The following EIF4G3 variants were observed in gnomAD, a reference collection of about 807,000 sequenced individuals.
EIF4G3 encodes eIF-4-gamma 3.
In EIF4G3, 34 loss-of-function variants were observed where a neutral mutation model predicts 186.4. The observed-to-expected ratio is 0.18, with a 90% CI of 0.14 to 0.24. The LOEUF is 0.24. EIF4G3 is among the 10% of genes least tolerant of loss of function. The pLI, the probability that EIF4G3 is intolerant of heterozygous loss-of-function variation, is 1.00. For missense variants in EIF4G3, 1,536 were observed against 1,948.5 expected, an observed-to-expected ratio of 0.79 and a Z score of 3.99; for synonymous variants, 673 against 679.5, an observed-to-expected ratio of 0.99 and a Z score of 0.15.
chr1:21,011,319 T>C (rs1432072467), intron 4 of EIF4G3, among the ~76,000 whole-genome samples: 1 of 152,174 alleles, frequency 6.6e-6, no homozygotes, highest in Non-Finnish European at 1.5e-5. Context: ...AGAATGTCAC[T>C]TCTGTAACAG....
rs575360255 is a variant in EIF4G3, at chr1:21,118,351, C to A, written c.-271-29138G>T. ...ACTGAACCAACTAAAATGCAATTAA[C>A]GAAAGAAACTGTCATAGTTTAATTA... On this transcript the variant is annotated intron_variant, in intron 2 of 36. Transcript: ENST00000602326. Among the ~76,000 whole-genome samples the A allele has an allele frequency of 1.6e-4, 24 of 152,196 alleles. No individual in the cohort carries two copies. The South Asian group carries it at 5.0e-3, about 32-fold the overall frequency.
At chr1:21,041,339 C>G (rs2093570309) in intron 4 of EIF4G3, among the ~76,000 whole-genome samples, 1 of 152,194 alleles carries the variant, frequency 6.6e-6, no homozygotes, top group Non-Finnish European at 1.5e-5. Context: ...CCTTCCACCT[C>G]AGGCTCCCAA....
intron 12 of EIF4G3, among the ~76,000 whole-genome samples, chr1:20,962,908 G>GTTTTTTTTTTTTTTTTTTTTTTTTTTTTT (rs66593105): frequency 7.2e-6 from 1 of 139,182 alleles, no homozygotes; most frequent in African/African-American, 2.7e-5. Context: ...TTGTAGTTTT[G>GTTTTTTTTTTTTTTTTTTTTTTTTTTTTT]TTTTTTTTTT....
chr1:20,846,802 CTTTAGAG>C (rs984646684), intron 29 of EIF4G3, among the ~76,000 whole-genome samples: 1 of 152,178 alleles, frequency 6.6e-6, no homozygotes, highest in Non-Finnish European at 1.5e-5. Flanking sequence ...CCACTTACTA[CTTTAGAG>C]TTTAGGAGTT....
At chr1:20,927,001 A>G (rs2094947077) in intron 14 of EIF4G3, among the ~76,000 whole-genome samples, 1 of 152,156 alleles carries the variant, frequency 6.6e-6, no homozygotes, top group African/African-American at 2.4e-5. Flanking sequence ...TTATCAGAAT[A>G]GAAAACCTTG....
At chr1:20,930,551 T>G (rs1208947555) in intron 14 of EIF4G3, among the ~76,000 whole-genome samples, 3 of 152,226 alleles carry the variant, frequency 2.0e-5, no homozygotes, top group Admixed American at 6.5e-5. Context: ...GAGTCACATT[T>G]TCAGGCTTTA....
chr1:20,923,639 GA>G (rs200341429), intron 14 of EIF4G3, among the ~76,000 whole-genome samples: 5 of 148,364 alleles, frequency 3.4e-5, no homozygotes, highest in East Asian at 1.9e-4. Context: ...ACTCTAGATG[GA>G]AAAAAAAAAT....
intron 11 of EIF4G3, among the ~76,000 whole-genome samples, chr1:20,970,951 C>G (rs1028019846): frequency 6.6e-6 from 1 of 151,998 alleles, no homozygotes; most frequent in Non-Finnish European, 1.5e-5. Context: ...GGGAAAAGAG[C>G]GAGACTTTGT....
intron 9 of EIF4G3, 89 bp downstream of exon 9, chr1:20,980,956 TACC>T (rs1454812727): frequency 9.4e-7 from 1 of 1,068,396 alleles, no homozygotes; most frequent in Non-Finnish European, 1.3e-6. Flanking sequence ...CGAAAACTAA[TACC>T]ACAATTCATC....
intron 2 of EIF4G3, among the ~76,000 whole-genome samples, chr1:21,172,800 G>T (rs1573797685): frequency 2.0e-5 from 3 of 150,262 alleles, no homozygotes; most frequent in African/African-American, 7.4e-5. Context: ...TGCCCACCTC[G>T]GCCTCCCAAA....
At chr1:20,998,069 G>GATT (rs2082678352) in intron 6 of EIF4G3, among the ~76,000 whole-genome samples, 1 of 152,102 alleles carries the variant, frequency 6.6e-6, no homozygotes, top group East Asian at 1.9e-4. Context: ...CTAGCCAGGA[G>GATT]ATAATTATAA....
intron 27 of EIF4G3, among the ~76,000 whole-genome samples, chr1:20,851,971 T>C (rs980970837): frequency 1.3e-4 from 20 of 152,122 alleles, no homozygotes; most frequent in African/African-American, 4.6e-4. Context: ...TGAGCCAAGA[T>C]TGCGCCACTG....
At chr1:21,136,762 C>T (rs948851966) in intron 2 of EIF4G3, among the ~76,000 whole-genome samples, 3 of 152,120 alleles carry the variant, frequency 2.0e-5, no homozygotes, top group Non-Finnish European at 2.9e-5. Context: ...CTCAAATCTG[C>T]TCATTCTGAT....
At chr1:20,916,452 AAAAAAC>A (rs940909971) in intron 14 of EIF4G3, among the ~76,000 whole-genome samples, 3 of 152,038 alleles carry the variant, frequency 2.0e-5, no homozygotes, top group East Asian at 1.9e-4. Context: ...GTCTCAAAAA[AAAAAAC>A]AAAAACAAAA....
At chr1:20,863,724 A>C (rs1054295417) in intron 22 of EIF4G3, among the ~76,000 whole-genome samples, 1 of 151,528 alleles carries the variant, frequency 6.6e-6, no homozygotes, top group African/African-American at 2.4e-5. Context: ...GATTACAAGC[A>C]TGAGCCACCG....
At chr1:20,882,639 A>C (rs996194903) in intron 19 of EIF4G3, among the ~76,000 whole-genome samples, 3 of 150,350 alleles carry the variant, frequency 2.0e-5, no homozygotes, top group Non-Finnish European at 3.0e-5. Context: ...ACAAAAAAAA[A>C]CAAAAAAAAA....
chr1:21,108,902 CAAA>C (rs767728797), intron 2 of EIF4G3, among the ~76,000 whole-genome samples: 6 of 33,216 alleles, frequency 1.8e-4, no homozygotes, highest in Admixed American at 1.5e-3. Flanking sequence ...GACTCCATCT[CAAA>C]AAAAAAAAAA....
intron 16 of EIF4G3, among the ~76,000 whole-genome samples, chr1:20,898,269 T>G (rs1163583790): frequency 6.6e-6 from 1 of 152,138 alleles, no homozygotes; most frequent in Non-Finnish European, 1.5e-5. Context: ...GCAGGAGGAC[T>G]GCTTGAGCAC....
At chr1:20,865,055 GA>G in intron 21 of EIF4G3, 60 bp downstream of exon 21, 2 of 1,587,064 alleles carry the variant, frequency 1.3e-6, no homozygotes, top group Middle Eastern at 1.7e-4. Context: ...CTAGCTTCCT[GA>G]AATTTCTACT....
Sources: gnomAD v4.1 joint callset for allele counts (sites outside exome capture counted in the v4.1 genomes callset) on GRCh38, gnomAD v4.1.1 for gene constraint, MANE v1.5 for transcripts, NCBI Gene and HGNC (gene_info 2026-07-23, HGNC 2026-07-21) for gene names.